ELF1: variants seen among roughly 807,000 people sequenced by gnomAD.
ELF1 encodes ETS-related transcription factor Elf-1.
ELF1 carries 24 observed loss-of-function variants against 59.9 expected under a neutral mutation model. The observed-to-expected ratio is 0.40, with a 90% CI of 0.29 to 0.56. The LOEUF is 0.56. ELF1 is among the 20% of genes least tolerant of loss of function. The pLI, the probability that ELF1 is intolerant of heterozygous loss-of-function variation, is 0.44. For missense variants in ELF1, 627 were observed against 742.2 expected (o/e 0.84, Z 1.80); for synonymous variants, 248 against 266.2 (o/e 0.93, Z 0.67).
At chr13:41,049,152 G>A (rs1384997243) in intron 1 of ELF1, among the ~76,000 whole-genome samples, 1 of 152,130 alleles carries the variant, frequency 6.6e-6, no homozygotes, top group Non-Finnish European at 1.5e-5. Flanking sequence ...AAAGCTCAAA[G>A]TCTTCTTCTT....
At chr13:41,051,289 C>A (rs1877078089) in intron 1 of ELF1, among the ~76,000 whole-genome samples, 1 of 151,946 alleles carries the variant, frequency 6.6e-6, no homozygotes, top group African/African-American at 2.4e-5. Context: ...CTGCTTGGAG[C>A]TCCAAATTCC....
chr13:41,060,936 G>A (rs2138450917), exon 1 of ELF1: 2 of 374,422 alleles, frequency 5.3e-6, no homozygotes, highest in East Asian at 6.7e-5. Context: ...CGCCGCCGCC[G>A]CCGCCGCCGC....
chr13:40,980,560 T>C (rs1038747746), intron 2 of ELF1, among the ~76,000 whole-genome samples: 12 of 152,154 alleles, frequency 7.9e-5, no homozygotes, highest in Non-Finnish European at 1.5e-4. Context: ...GGTACCATAA[T>C]GTAAAATTCA....
At chr13:41,035,901 T>C (rs1270443433) in intron 1 of ELF1, among the ~76,000 whole-genome samples, 1 of 129,054 alleles carries the variant, frequency 7.7e-6, no homozygotes, top group African/African-American at 2.5e-5. Flanking sequence ...CCTTTTCTTT[T>C]TTTCTTTTTT....
chr13:41,011,692 C>A (rs1875072723), intron 1 of ELF1, among the ~76,000 whole-genome samples: 1 of 152,098 alleles, frequency 6.6e-6, no homozygotes, highest in African/African-American at 2.4e-5. Context: ...GATCCACCTG[C>A]CTTGGCCTCC....
intron 1 of ELF1, among the ~76,000 whole-genome samples, chr13:41,010,650 AGT>A (rs1426898067): frequency 6.6e-6 from 1 of 152,158 alleles, no homozygotes; most frequent in African/African-American, 2.4e-5. Flanking sequence ...ATTTATGAAT[AGT>A]TTTTATTTTT....
intron 7 of ELF1, among the ~76,000 whole-genome samples, chr13:40,942,086 T>A (rs1481277481): frequency 6.6e-6 from 1 of 152,244 alleles, no homozygotes; most frequent in East Asian, 1.9e-4. Context: ...TCAATAAATT[T>A]AAATTGGCAA....
intron 2 of ELF1, among the ~76,000 whole-genome samples, chr13:40,964,525 A>C (rs1407417562): frequency 6.6e-6 from 1 of 151,788 alleles, no homozygotes; most frequent in Admixed American, 6.6e-5. Flanking sequence ...ACTTTTTTTA[A>C]TTGAGACAGG....
chr13:41,029,734 T>C (rs1397859842), intron 1 of ELF1, among the ~76,000 whole-genome samples: 1 of 152,150 alleles, frequency 6.6e-6, no homozygotes, highest in Admixed American at 6.5e-5. Context: ...CCTCATCCAA[T>C]GTGGGTGGGC....
rs146482164 is a variant in ELF1, at chr13:41,037,546, C to G, written c.-229+23292G>C. ...GCACGGTGGCTCATGCCTGTAATCC[C>G]AGCACTTTGGGAGACCGAGGCGGAT... On this transcript the variant is annotated intron_variant, in intron 1 of 1. Coordinates refer to the ELF1 transcript ENST00000405737. Among the ~76,000 whole-genome samples the G allele has an allele frequency of 5.8e-3, 883 of 152,234 alleles. 6 individuals carry two copies. Among genetic ancestry groups the G allele is most frequent in the Non-Finnish European group, 9.2e-3 (628 of 68,014 alleles).
At chr13:40,996,465 A>T (rs910537999) in intron 1 of ELF1, among the ~76,000 whole-genome samples, 1 of 152,256 alleles carries the variant, frequency 6.6e-6, no homozygotes, top group Non-Finnish European at 1.5e-5. Context: ...AATATTATTC[A>T]GCACTAAAGA....
intron 1 of ELF1, among the ~76,000 whole-genome samples, chr13:41,060,557 G>A (rs905470194): frequency 1.3e-5 from 2 of 152,172 alleles, no homozygotes; most frequent in Non-Finnish European, 2.9e-5. Context: ...TTCTCCAGCA[G>A]GCACGGCGTG....
intron 1 of ELF1, among the ~76,000 whole-genome samples, chr13:41,018,413 C>T (rs1875545545): frequency 6.6e-6 from 1 of 152,136 alleles, no homozygotes; most frequent in Admixed American, 6.5e-5. Flanking sequence ...AAGGCCAATA[C>T]TCATCACTTT....
intron 1 of ELF1, among the ~76,000 whole-genome samples, chr13:41,040,407 T>C (rs998206586): frequency 1.3e-5 from 2 of 152,194 alleles, no homozygotes; most frequent in Non-Finnish European, 2.9e-5. Context: ...ATAATACTTA[T>C]ATATGCATGA....
chr13:41,051,432 T>G (rs1235672679), intron 1 of ELF1, among the ~76,000 whole-genome samples: 2 of 152,062 alleles, frequency 1.3e-5, no homozygotes, highest in Non-Finnish European at 2.9e-5. Flanking sequence ...TCTGTGCACC[T>G]TGGCATTAGA....
chr13:41,001,043 C>G (rs551820775), intron 1 of ELF1, among the ~76,000 whole-genome samples: 16 of 125,062 alleles, frequency 1.3e-4, no homozygotes, highest in South Asian at 2.5e-4. Context: ...ATGGTGTAGT[C>G]TCGGCTCACT....
Position 40,943,898 on chromosome 13 carries a change from T to A in ELF1, c.557A>T (p.Asp186Val). ...TATATTTGGCGTAGTGGCTGGGGAA[T>A]CTGGTCGTGGTGGTTTAGTTTTTCT... ...KGRKTKPPRP[D>V]SPATTPNISV... The change falls in exon 6 of 9, where the codon GAT becomes GTT. Residue 186 changes from aspartate (D) to valine (V), a missense_variant. By Grantham distance (152) the Asp-to-Val change is radical. Around this residue, in one of 3 missense-constraint regions of ELF1, gnomAD observed 232 missense variants for 269.2 expected, o/e 0.86. Transcript: ENST00000239882. 6.2e-7 allele frequency: 1 copy of A among 1,613,814 alleles called. No homozygotes were observed.
chr13:40,992,102 T>C (rs1425196899), intron 1 of ELF1, among the ~76,000 whole-genome samples: 1 of 152,220 alleles, frequency 6.6e-6, no homozygotes, highest in Non-Finnish European at 1.5e-5. Flanking sequence ...TAAAATAATG[T>C]CACATTTTAT....
chr13:40,998,480 T>C (rs1008374127), intron 1 of ELF1, among the ~76,000 whole-genome samples: 9 of 152,208 alleles, frequency 5.9e-5, no homozygotes, highest in African/African-American at 2.2e-4. Flanking sequence ...GTACATTCTG[T>C]GATTTTTTGC....
Sources: gnomAD v4.1 joint callset for allele counts (sites outside exome capture counted in the v4.1 genomes callset) on GRCh38, gnomAD v4.1.1 for gene constraint, gnomAD v4.1.1 regional missense constraint, MANE v1.5 for transcripts, NCBI Gene and HGNC (gene_info 2026-07-23, HGNC 2026-07-21) for gene names.